Variants in TXLNB observed in about 807,000 individuals in gnomAD.
TXLNB encodes the protein taxilin beta.
In TXLNB, 37 loss-of-function variants were observed where a neutral mutation model predicts 57.4. That is an observed-to-expected ratio of 0.64 (90% CI 0.50 to 0.85). The LOEUF is 0.85. Among genes scored for constraint, TXLNB ranks in the 40% least tolerant of loss-of-function variants. TXLNB has a pLI of 0.00. For synonymous variants in TXLNB, 302 were observed against 309.6 expected, an observed-to-expected ratio of 0.98 and a Z score of 0.26; for missense variants, 848 against 825.6, an observed-to-expected ratio of 1.03 and a Z score of -0.33.
the TXLNB span, chr6:139,167,454 AT>A: frequency 7.9e-6 from 6 of 759,978 alleles, no homozygotes; most frequent in Non-Finnish European, 1.2e-5. Context: ...GCTAGGTAAC[AT>A]TTGAATATTT....
chr6:139,194,058 G>C, the TXLNB span, among the ~76,000 whole-genome samples: 1 of 151,490 alleles, frequency 6.6e-6, no homozygotes, highest in Admixed American at 6.6e-5. Flanking sequence ...AGCCAGGATG[G>C]TCTCGATCTC....
chr6:139,202,040 CTTT>C, the TXLNB span, among the ~76,000 whole-genome samples: 1 of 152,160 alleles, frequency 6.6e-6, no homozygotes, highest in African/African-American at 2.4e-5. Flanking sequence ...TTTATTATTT[CTTT>C]TGATTGAAAT....
the TXLNB span, among the ~76,000 whole-genome samples, chr6:139,191,533 C>T: frequency 7.8e-4 from 119 of 152,278 alleles, no homozygotes; most frequent in African/African-American, 2.6e-3. Flanking sequence ...CATTATACAA[C>T]GTTTCAATTA....
At chr6:139,296,616 T>G (rs9376406), upstream of TXLNB, among the ~76,000 whole-genome samples, 82,955 of 151,948 alleles carry the variant, frequency 0.55, 24,208 homozygotes, top group Non-Finnish European at 0.65. Context: ...CTTGTCCTCC[T>G]CTGAGCCTCA....
chr6:139,162,913 C>T, the TXLNB span, among the ~76,000 whole-genome samples: 1 of 152,148 alleles, frequency 6.6e-6, no homozygotes, highest in African/African-American at 2.4e-5. Flanking sequence ...GGCTCAGCCT[C>T]TGCTGTCTTC....
chr6:139,174,301 G>A, the TXLNB span: 1 of 1,426,636 alleles, frequency 7.0e-7, no homozygotes, highest in Non-Finnish European at 9.5e-7. Flanking sequence ...GCTTATAATT[G>A]GTAGATGAAA....
At chr6:139,212,798 T>C in the TXLNB span, among the ~76,000 whole-genome samples, 4 of 151,372 alleles carry the variant, frequency 2.6e-5, no homozygotes, top group African/African-American at 7.3e-5. Flanking sequence ...ACCAAGCAAA[T>C]AGAAAACAAA....
At chr6:139,284,142 C>T (rs6913139) in intron 2 of TXLNB, among the ~76,000 whole-genome samples, 33,591 of 144,988 alleles carry the variant, frequency 0.23, 8,242 homozygotes, top group African/African-American at 0.48. Context: ...GTGTCTTCTT[C>T]TTCCTCTCTA....
the TXLNB span, chr6:139,180,476 G>C: frequency 1.3e-5 from 2 of 152,632 alleles, no homozygotes; most frequent in Non-Finnish European, 2.9e-5. Flanking sequence ...GAAGTGAGGA[G>C]AAAGTGTTCT....
At position 139,247,921 on chromosome 6, in the gene TXLNB, G is replaced by A. The variant is rs1776105490; in HGVS notation, c.1078-12C>T. 2 of 1,504,914 alleles carry A rather than the reference G, an allele frequency of 1.3e-6. No homozygotes were observed. The highest frequency in any genetic ancestry group is 2.3e-5 in the East Asian group (1 of 43,126). The allele number at this position is 1,504,914 out of a possible 1,614,324, so 93.2% of individuals were successfully genotyped here. A position where few individuals can be genotyped will look rare whatever the true frequency, so the allele number is the denominator to read the frequency against. On this transcript the variant is annotated splice_polypyrimidine_tract_variant and intron_variant, in intron 7 of 9. Transcript: ENST00000358430. ...GAGTAGAGAGTGAGCTGTAAACAGA[G>A]GAAAGAGTGGATCTTTCAGAATACT... is the stretch of plus-strand genomic sequence containing the variant.
the TXLNB span, among the ~76,000 whole-genome samples, chr6:139,214,448 T>G: frequency 1.3e-5 from 2 of 152,200 alleles, no homozygotes; most frequent in Non-Finnish European, 2.9e-5. Flanking sequence ...CTAAAAACTC[T>G]CAATAAATTA....
At chr6:139,166,309 C>A in the TXLNB span, 4 of 1,610,270 alleles carry the variant, frequency 2.5e-6, no homozygotes, top group Non-Finnish European at 3.4e-6. Context: ...CTCCCCTGAT[C>A]TGCAGCTTCG....
the TXLNB span, chr6:139,178,844 G>A: frequency 6.6e-6 from 1 of 152,214 alleles, no homozygotes; most frequent in Non-Finnish European, 1.5e-5. Flanking sequence ...AAAGTGCTGG[G>A]ATTACAGGCG....
At chr6:139,193,956 C>T in the TXLNB span, among the ~76,000 whole-genome samples, 2 of 149,844 alleles carry the variant, frequency 1.3e-5, no homozygotes, top group South Asian at 4.2e-4. Context: ...ATTCTCCTGC[C>T]TCAGCCTCCC....
At chr6:139,316,997 CT>C in the TXLNB span, among the ~76,000 whole-genome samples, 2 of 152,242 alleles carry the variant, frequency 1.3e-5, no homozygotes, top group African/African-American at 2.4e-5. Context: ...TTCTGCAACT[CT>C]TTTTTTCCCT....
chr6:139,207,752 GAA>G, the TXLNB span, among the ~76,000 whole-genome samples: 1 of 152,160 alleles, frequency 6.6e-6, no homozygotes, highest in Non-Finnish European at 1.5e-5. Flanking sequence ...ACTGAGAAAA[GAA>G]GAGAGAAGAT....
the TXLNB span, among the ~76,000 whole-genome samples, chr6:139,211,880 C>T: frequency 4.0e-5 from 6 of 151,872 alleles, no homozygotes; most frequent in Non-Finnish European, 7.4e-5. Context: ...AGGGTATCAG[C>T]GATGGAAGAC....
chr6:139,262,424 C>T (rs1224012582), intron 5 of TXLNB, among the ~76,000 whole-genome samples, 155 bp downstream of exon 5: 13 of 152,166 alleles, frequency 8.5e-5, no homozygotes, highest in Admixed American at 8.5e-4. Flanking sequence ...TTTTGTAAGA[C>T]CATCTGTCTT....
chr6:139,243,409 T>C (rs1002410488), intron 9 of TXLNB, 95 bp from the exon 10 acceptor site: 5 of 1,344,664 alleles, frequency 3.7e-6, no homozygotes, highest in African/African-American at 1.5e-5. Context: ...CAAAACTATT[T>C]GTCCCAGAAT....
Sources: allele counts gnomAD v4.1 joint callset (sites outside exome capture counted in the v4.1 genomes callset), GRCh38; gene constraint gnomAD v4.1.1; transcripts MANE v1.5; gene names NCBI Gene and HGNC (gene_info 2026-07-23, HGNC 2026-07-21).